BLTP2: variants seen among roughly 807,000 people sequenced by gnomAD.
BLTP2 encodes U937-associated antigen.
chr17:28,615,439 C>T, the BLTP2 span, among the ~76,000 whole-genome samples: 3 of 152,212 alleles, frequency 2.0e-5, no homozygotes, highest in African/African-American at 4.8e-5. Context: ...GTTGTGTTAG[C>T]TCTCAGTTCC....
chr17:28,631,858 T>C, the BLTP2 span: 40 of 1,614,034 alleles, frequency 2.5e-5, no homozygotes, highest in Non-Finnish European at 3.3e-5. Flanking sequence ...AGTGAAGACA[T>C]GGCCCTGACT....
chr17:28,619,421 G>A, the BLTP2 span, among the ~76,000 whole-genome samples: 4 of 151,908 alleles, frequency 2.6e-5, no homozygotes, highest in South Asian at 2.1e-4. Context: ...GCTTGAGCCC[G>A]GGAGTTCCAG....
the BLTP2 span, among the ~76,000 whole-genome samples, chr17:28,617,552 T>C: frequency 6.6e-6 from 1 of 152,232 alleles, no homozygotes; most frequent in Non-Finnish European, 1.5e-5. Flanking sequence ...TTAAAAAATG[T>C]TCTAATTCAT....
At chr17:28,615,301 T>C in the BLTP2 span, 22 of 1,430,270 alleles carry the variant, frequency 1.5e-5, no homozygotes, top group Middle Eastern at 1.8e-4. Flanking sequence ...GCAGGCAGAA[T>C]AAATCAAAAT....
the BLTP2 span, chr17:28,642,220 T>C: frequency 1.9e-5 from 31 of 1,601,236 alleles, no homozygotes; most frequent in Non-Finnish European, 2.7e-5. Flanking sequence ...CTAAGCTCCT[T>C]CACACTTTAC....
At chr17:28,630,115 T>A in the BLTP2 span, among the ~76,000 whole-genome samples, 1 of 152,182 alleles carries the variant, frequency 6.6e-6, no homozygotes, top group African/African-American at 2.4e-5. Context: ...CCACCCACCC[T>A]GGCCTCCCAG....
the BLTP2 span, chr17:28,615,811 G>A: frequency 6.2e-7 from 1 of 1,612,802 alleles, no homozygotes; most frequent in Admixed American, 1.7e-5. Flanking sequence ...GTAAGAGGAG[G>A]GGGAGGGGAA....
At chr17:28,632,295 T>C in the BLTP2 span, 17 of 1,475,198 alleles carry the variant, frequency 1.2e-5, no homozygotes, top group Non-Finnish European at 1.6e-5. Flanking sequence ...GAGGTAAAGC[T>C]AAATCCTTCC....
At chr17:28,640,026 C>T in the BLTP2 span, 3 of 1,613,296 alleles carry the variant, frequency 1.9e-6, no homozygotes, top group Non-Finnish European at 2.5e-6. Context: ...AGTCAGGTGC[C>T]TGGACCGAGA....
chr17:28,625,492 G>A, the BLTP2 span, among the ~76,000 whole-genome samples: 2 of 151,872 alleles, frequency 1.3e-5, no homozygotes, highest in African/African-American at 2.4e-5. Context: ...CTGTTTGTTA[G>A]ACATTATATT....
chr17:28,645,114 C>T, the BLTP2 span: 6 of 1,496,292 alleles, frequency 4.0e-6, no homozygotes, highest in African/African-American at 8.5e-5. Flanking sequence ...GCCCCGACGC[C>T]GGATCCGCGC....
chr17:28,640,066 CCA>C, the BLTP2 span: 1 of 1,603,268 alleles, frequency 6.2e-7, no homozygotes, highest in Non-Finnish European at 8.5e-7. Context: ...ATGTGGAATG[CCA>C]TTCCTACTTC....
chr17:28,636,259 G>A, the BLTP2 span, among the ~76,000 whole-genome samples: 3 of 152,302 alleles, frequency 2.0e-5, no homozygotes, highest in South Asian at 4.1e-4. Flanking sequence ...GGACGGTGAA[G>A]TCTGACAAGG....
At chr17:28,629,336 G>A in the BLTP2 span, among the ~76,000 whole-genome samples, 1 of 151,750 alleles carries the variant, frequency 6.6e-6, no homozygotes, top group African/African-American at 2.4e-5. Context: ...CATCACCCAC[G>A]CTGGAGTGCA....
the BLTP2 span, among the ~76,000 whole-genome samples, chr17:28,641,637 TC>T: frequency 6.7e-6 from 1 of 149,976 alleles, no homozygotes; most frequent in Non-Finnish European, 1.5e-5. Context: ...CAAGACTCCA[TC>T]TTTTTTTTTA....
chr17:28,635,020 C>T, the BLTP2 span: 49 of 1,613,296 alleles, frequency 3.0e-5, no homozygotes, highest in African/African-American at 5.3e-5. Flanking sequence ...GGCCCAAGCA[C>T]GAGTCCCTTG....
chr17:28,642,952 C>A, the BLTP2 span: 1 of 1,609,028 alleles, frequency 6.2e-7, no homozygotes, highest in Non-Finnish European at 8.5e-7. Flanking sequence ...CCTTGAGAAC[C>A]ATGATGTTTA....
At chr17:28,625,052 A>G in the BLTP2 span, among the ~76,000 whole-genome samples, 1 of 152,074 alleles carries the variant, frequency 6.6e-6, no homozygotes, top group African/African-American at 2.4e-5. Context: ...TGAAAGTTTA[A>G]CGGGGCCAGG....
the BLTP2 span, chr17:28,639,312 G>C: frequency 6.2e-7 from 1 of 1,614,104 alleles, no homozygotes; most frequent in Middle Eastern, 1.6e-4. Context: ...AGATCAGACT[G>C]ACCTTTTTTT....
Sources: allele counts gnomAD v4.1 joint callset (sites outside exome capture counted in the v4.1 genomes callset), GRCh38; gene constraint gnomAD v4.1.1; transcripts MANE v1.5; gene names NCBI Gene and HGNC (gene_info 2026-07-23, HGNC 2026-07-21).